Variants in CC2D2B observed in about 807,000 individuals in gnomAD.
CC2D2B encodes the protein coiled-coil and C2 domain containing 2B.
Under a neutral mutation model 161.2 loss-of-function variants are expected in CC2D2B, and 128 were observed. The ratio of observed to expected loss-of-function variants is 0.79; its 90% CI spans 0.69 to 0.92. The LOEUF is 0.92. CC2D2B is among the 40% of genes least tolerant of loss of function. The probability of loss-of-function intolerance (pLI) is 0.00; values close to 1 mark genes in which losing one functional copy is unlikely to be tolerated. For missense variants in CC2D2B, 1,173 were observed against 1,375.1 expected (o/e 0.85, Z 2.32); for synonymous variants, 391 against 449.8 (o/e 0.87, Z 1.65).
intron 24 of CC2D2B, among the ~76,000 whole-genome samples, chr10:95,997,651 G>A (rs576258595): frequency 2.0e-5 from 3 of 152,326 alleles, no homozygotes; most frequent in Middle Eastern, 3.4e-3. Context: ...GCCTCCCAGA[G>A]TGCTGGGATT....
intron 15 of CC2D2B, 137 bp from the exon 16 acceptor site, chr10:95,971,929 T>G: frequency 2.3e-6 from 1 of 432,528 alleles, no homozygotes; most frequent in Non-Finnish European, 3.8e-6. Context: ...CTCATAATCA[T>G]GTGGATGAAA....
At chr10:95,968,016 T>C (rs539352751) in intron 14 of CC2D2B, among the ~76,000 whole-genome samples, 1 of 152,308 alleles carries the variant, frequency 6.6e-6, no homozygotes, top group Non-Finnish European at 1.5e-5. Flanking sequence ...TCAATAAACA[T>C]TGGTTGAGTG....
intron 9 of CC2D2B, among the ~76,000 whole-genome samples, chr10:95,947,525 C>T (rs748366211): frequency 4.6e-5 from 7 of 151,872 alleles, no homozygotes; most frequent in South Asian, 2.1e-4. Flanking sequence ...GGGCAGATCA[C>T]GAGGTCAGGA....
rs61871142 is a variant in CC2D2B at position 95,974,747 on chromosome 10, C to T, written c.1943+591C>T. On this transcript the variant is annotated intron_variant, in intron 17 of 34. Coordinates refer to ENST00000646931, the MANE Select transcript of CC2D2B (RefSeq NM_001349008.3). ...CTTAACACATATTTTTAAAAATAAA[C>T]GGAAATGAAAAGCTTCATATAACTT... is the stretch of plus-strand genomic sequence containing the variant. Among the ~76,000 whole-genome samples, 538 of 152,006 alleles carry T rather than the reference C, an allele frequency of 3.5e-3. 1 individual carries two copies. The highest frequency in any genetic ancestry group is 6.0e-3 in the Non-Finnish European group (406 of 67,978).
intron 25 of CC2D2B, among the ~76,000 whole-genome samples, chr10:96,005,781 C>T (rs1410042640): frequency 6.6e-6 from 1 of 152,136 alleles, no homozygotes; most frequent in African/African-American, 2.4e-5. Context: ...ATGCATACTC[C>T]AGATTTAAAA....
At chr10:96,006,833 C>T (rs1335044749) in intron 25 of CC2D2B, among the ~76,000 whole-genome samples, 3 of 152,098 alleles carry the variant, frequency 2.0e-5, no homozygotes, top group African/African-American at 7.2e-5. Flanking sequence ...CAACTTACAC[C>T]AGGATATGCA....
At chr10:96,019,984 G>A in intron 32 of CC2D2B, 160 bp downstream of exon 32, 1 of 566,136 alleles carries the variant, frequency 1.8e-6, no homozygotes, top group Non-Finnish European at 3.0e-6. Context: ...CAGCTCACAG[G>A]CTCTTTCCCC....
chr10:95,962,276 T>C (rs1339792971), intron 12 of CC2D2B, among the ~76,000 whole-genome samples: 1 of 152,128 alleles, frequency 6.6e-6, no homozygotes, highest in Non-Finnish European at 1.5e-5. Context: ...CTCAATATTG[T>C]CATGTCATTC....
At chr10:95,951,434 G>A (rs1169190494) in intron 10 of CC2D2B, among the ~76,000 whole-genome samples, 1 of 152,202 alleles carries the variant, frequency 6.6e-6, no homozygotes, top group Non-Finnish European at 1.5e-5. Context: ...TTACAGGTGT[G>A]AGCCACCATG....
intron 2 of CC2D2B, chr10:95,919,186 A>G (rs1394373062): frequency 2.6e-5 from 4 of 152,112 alleles, no homozygotes; most frequent in Non-Finnish European, 5.9e-5. Context: ...GTGGGTGTTC[A>G]TCAATGTCAG....
At chr10:95,990,993 C>T (rs2077932412) in intron 20 of CC2D2B, among the ~76,000 whole-genome samples, 1 of 152,156 alleles carries the variant, frequency 6.6e-6, no homozygotes, top group Non-Finnish European at 1.5e-5. Context: ...TAGATCAAGA[C>T]TCATATCCAT....
chr10:95,993,890 GAGAGAGAGAAT>G, intron 22 of CC2D2B, among the ~76,000 whole-genome samples: 1 of 80,504 alleles, frequency 1.2e-5, no homozygotes, highest in Non-Finnish European at 2.5e-5. Flanking sequence ...TATATATATA[GAGAGAGAGAAT>G]GTGTGTGTGT....
intron 9 of CC2D2B, among the ~76,000 whole-genome samples, chr10:95,944,535 A>G (rs1362636188): frequency 1.3e-5 from 2 of 152,226 alleles, no homozygotes; most frequent in East Asian, 3.8e-4. Flanking sequence ...TATAGCAGAG[A>G]TATTTTGGTG....
chr10:95,917,857 A>G (rs1473200815), intron 2 of CC2D2B, among the ~76,000 whole-genome samples: 1 of 152,160 alleles, frequency 6.6e-6, no homozygotes, highest in Non-Finnish European at 1.5e-5. Context: ...GGCTCACTGC[A>G]GCCTCCACCT....
chr10:95,922,812 T>G (rs986343232), intron 3 of CC2D2B, among the ~76,000 whole-genome samples: 1 of 152,174 alleles, frequency 6.6e-6, no homozygotes, highest in Non-Finnish European at 1.5e-5. Context: ...TTTTTTCTTT[T>G]TTAAGAAACA....
chr10:95,937,383 A>G (rs1050887253), intron 6 of CC2D2B, among the ~76,000 whole-genome samples: 10 of 152,192 alleles, frequency 6.6e-5, no homozygotes, highest in Non-Finnish European at 1.3e-4. Flanking sequence ...ATTTATGAGT[A>G]TGATACATTC....
intron 17 of CC2D2B, among the ~76,000 whole-genome samples, chr10:95,980,085 C>G (rs1050184406): frequency 6.6e-6 from 1 of 151,948 alleles, no homozygotes; most frequent in Admixed American, 6.6e-5. Context: ...AGACAACAAC[C>G]AAAGAGTTTC....
At chr10:96,023,669 T>C (rs986990688) in intron 32 of CC2D2B, among the ~76,000 whole-genome samples, 10 of 152,298 alleles carry the variant, frequency 6.6e-5, no homozygotes, top group African/African-American at 2.4e-4. Flanking sequence ...AAGTCATCCT[T>C]CCCTTCCTCA....
intron 9 of CC2D2B, among the ~76,000 whole-genome samples, chr10:95,939,244 C>G (rs1188197604): frequency 6.6e-6 from 1 of 152,090 alleles, no homozygotes; most frequent in East Asian, 1.9e-4. Flanking sequence ...CTACGTTACT[C>G]TTGTCTGTTA....
Sources: gnomAD v4.1 joint callset for allele counts (sites outside exome capture counted in the v4.1 genomes callset) on GRCh38, gnomAD v4.1.1 for gene constraint, MANE v1.5 for transcripts, NCBI Gene and HGNC (gene_info 2026-07-23, HGNC 2026-07-21) for gene names.